Variants in CNTNAP2 observed in about 807,000 individuals in gnomAD.
CNTNAP2 encodes contactin-associated protein-like 2.
CNTNAP2 carries 98 observed loss-of-function variants against 155.2 expected under a neutral mutation model. The observed-to-expected ratio is 0.63, with a 90% CI of 0.54 to 0.75. The LOEUF (loss-of-function observed/expected upper bound fraction) is 0.75, where lower values mean the gene tolerates loss of function less well. CNTNAP2 is among the 30% of genes least tolerant of loss of function. CNTNAP2 has a pLI of 0.00. For synonymous variants in CNTNAP2, 651 were observed against 631.2 expected (o/e 1.03, Z -0.47); for missense variants, 1,727 against 1,688.1 (o/e 1.02, Z -0.40).
intron 3 of CNTNAP2, among the ~76,000 whole-genome samples, chr7:146,912,417 T>C (rs1335940758): frequency 6.6e-6 from 1 of 152,114 alleles, no homozygotes; most frequent in South Asian, 2.1e-4. Context: ...TTACATTTTT[T>C]ATCCATAATA....
intron 1 of CNTNAP2, among the ~76,000 whole-genome samples, chr7:146,768,879 G>A (rs1802244578): frequency 6.6e-6 from 1 of 152,158 alleles, no homozygotes; most frequent in East Asian, 1.9e-4. Context: ...CAGCAGAGAT[G>A]CATTTGAAAA....
chr7:147,830,321 G>C (rs760016134), intron 13 of CNTNAP2, among the ~76,000 whole-genome samples: 10 of 152,086 alleles, frequency 6.6e-5, no homozygotes, highest in Non-Finnish European at 1.5e-4. Context: ...CTTTCTAGCT[G>C]TGACTTTTCA....
At chr7:146,163,758 T>G (rs1472871814) in intron 1 of CNTNAP2, among the ~76,000 whole-genome samples, 1 of 150,246 alleles carries the variant, frequency 6.7e-6, no homozygotes, top group Non-Finnish European at 1.5e-5. Flanking sequence ...AAAAGAAAGG[T>G]TGTTTTAAGT....
At chr7:147,218,003 T>A (rs896730495) in intron 8 of CNTNAP2, among the ~76,000 whole-genome samples, 1 of 152,016 alleles carries the variant, frequency 6.6e-6, no homozygotes, top group Non-Finnish European at 1.5e-5. Flanking sequence ...CTTTAATTTC[T>A]AATATTAGTA....
intron 18 of CNTNAP2, among the ~76,000 whole-genome samples, chr7:148,192,610 G>A (rs1392623940): frequency 2.7e-5 from 4 of 150,108 alleles, no homozygotes; most frequent in Non-Finnish European, 5.9e-5. Context: ...TGGGCTACAA[G>A]AGCAAAACTC....
chr7:146,403,986 G>C (rs10226676), intron 1 of CNTNAP2, among the ~76,000 whole-genome samples: 1 of 150,942 alleles, frequency 6.6e-6, no homozygotes, highest in African/African-American at 2.4e-5. Context: ...TTAGCCGGGC[G>C]TAGTGGCGGG....
At chr7:146,668,318 C>T (rs1332244650) in intron 1 of CNTNAP2, among the ~76,000 whole-genome samples, 1 of 151,902 alleles carries the variant, frequency 6.6e-6, no homozygotes, top group African/African-American at 2.4e-5. Flanking sequence ...GGCATAAATG[C>T]CACTTGATTA....
intron 13 of CNTNAP2, among the ~76,000 whole-genome samples, chr7:147,722,825 G>T (rs10156127): frequency 0.021 from 3,178 of 152,106 alleles, 93 homozygotes; most frequent in African/African-American, 0.073. Flanking sequence ...ATCTCTCTGG[G>T]TATCAGTTTC....
At chr7:148,048,052 T>C (rs1282256529) in intron 15 of CNTNAP2, among the ~76,000 whole-genome samples, 1 of 151,990 alleles carries the variant, frequency 6.6e-6, no homozygotes, top group Non-Finnish European at 1.5e-5. Flanking sequence ...GCCTCCCCAG[T>C]AGCTGGGACT....
chr7:146,701,157 G>T (rs1800871590), intron 1 of CNTNAP2, among the ~76,000 whole-genome samples: 2 of 152,152 alleles, frequency 1.3e-5, no homozygotes, highest in Non-Finnish European at 1.5e-5. Context: ...TGGCGGGAAA[G>T]ATATTTTTCA....
intron 15 of CNTNAP2, among the ~76,000 whole-genome samples, chr7:148,091,922 A>G (rs1038694722): frequency 6.6e-6 from 1 of 152,174 alleles, no homozygotes; most frequent in African/African-American, 2.4e-5. Context: ...AGATAAAACA[A>G]CTTCCCTCGG....
At chr7:146,312,146 G>T (rs1387310329) in intron 1 of CNTNAP2, among the ~76,000 whole-genome samples, 1 of 152,008 alleles carries the variant, frequency 6.6e-6, no homozygotes, top group Admixed American at 6.6e-5. Context: ...TTAACATTTG[G>T]GATAAAAAGT....
chr7:147,073,268 A>G (rs1327520686), intron 4 of CNTNAP2, among the ~76,000 whole-genome samples: 1 of 151,054 alleles, frequency 6.6e-6, no homozygotes, highest in African/African-American at 2.4e-5. Context: ...AGGGACACGG[A>G]TGAAACTGGA....
intron 21 of CNTNAP2, among the ~76,000 whole-genome samples, chr7:148,345,630 ATCTCGGCC>A (rs1287452007): frequency 2.0e-5 from 3 of 152,020 alleles, no homozygotes; most frequent in Non-Finnish European, 2.9e-5. Context: ...TGATTCGCCC[ATCTCGGCC>A]TCCCAAAGTG....
intron 1 of CNTNAP2, among the ~76,000 whole-genome samples, chr7:146,374,337 T>G (rs73162193): frequency 0.12 from 18,690 of 152,020 alleles, 2,891 homozygotes; most frequent in African/African-American, 0.36. Flanking sequence ...GCAATCTCGA[T>G]AGTCATAGAA....
In CNTNAP2 at chr7:147,388,611, C is replaced by T. The variant is rs148311875; in HGVS notation, c.1499-6998C>T. 1.9e-3 allele frequency among the ~76,000 whole-genome samples: 290 copies of T among 151,840 alleles called. 2 individuals are homozygous for T. The highest frequency in any genetic ancestry group is 6.8e-3 in the Middle Eastern group (2 of 294). Reference sequence around the variant, plus strand: ...TCTTTTCTTTTTTGAGATGGAGTCTCGCCCTGTAACCCAGGCTGGAGTGCA... The same window carrying T: ...TCTTTTCTTTTTTGAGATGGAGTCTTGCCCTGTAACCCAGGCTGGAGTGCA... On this transcript the variant is annotated intron_variant, in intron 9 of 23. Transcript: ENST00000361727.
intron 4 of CNTNAP2, among the ~76,000 whole-genome samples, chr7:147,054,885 T>A (rs1799530600): frequency 6.6e-6 from 1 of 152,174 alleles, no homozygotes; most frequent in Admixed American, 6.5e-5. Context: ...GATTTTCAAT[T>A]TGAGATTTTT....
chr7:147,719,861 A>G lies in CNTNAP2; in HGVS notation c.2098+80555A>G, dbSNP rs546390722. Among the ~76,000 whole-genome samples the G allele has an allele frequency of 4.6e-5, 7 of 152,120 alleles. No homozygotes were observed. The South Asian group carries it at 1.5e-3, about 32-fold the overall frequency. Reference sequence around the variant, plus strand: ...CACCTCTTTATATTTCCTTCAACAGACAAGGTTTTATTTTCCATGTCCTTT... The same window carrying G: ...CACCTCTTTATATTTCCTTCAACAGGCAAGGTTTTATTTTCCATGTCCTTT... On this transcript the variant is annotated intron_variant, in intron 13 of 23. Transcript: ENST00000361727.
chr7:146,946,597 A>G (rs1289948444), intron 3 of CNTNAP2, among the ~76,000 whole-genome samples: 1 of 152,170 alleles, frequency 6.6e-6, no homozygotes, highest in African/African-American at 2.4e-5. Context: ...CTTTAAAGGT[A>G]AAAGGTTGGT....
Sources: gnomAD v4.1 joint callset for allele counts (sites outside exome capture counted in the v4.1 genomes callset) on GRCh38, gnomAD v4.1.1 for gene constraint, MANE v1.5 for transcripts, NCBI Gene and HGNC (gene_info 2026-07-23, HGNC 2026-07-21) for gene names.